ADCY1: variants seen among roughly 807,000 people sequenced by gnomAD.
ADCY1 encodes the protein adenylate cyclase type 1.
ADCY1 carries 28 observed loss-of-function variants against 105.4 expected under a neutral mutation model. The observed-to-expected ratio is 0.27, with a 90% CI of 0.20 to 0.36. The LOEUF is 0.36. ADCY1 is among the 10% of genes least tolerant of loss of function. The probability of loss-of-function intolerance (pLI) is 1.00; values close to 1 mark genes in which losing one functional copy is unlikely to be tolerated. For missense variants in ADCY1, 977 were observed against 1,434.2 expected (o/e 0.68, Z 5.15); for synonymous variants, 655 against 623.8 (o/e 1.05, Z -0.75).
At chr7:45,648,318 A>C (rs1298916335) in intron 4 of ADCY1, among the ~76,000 whole-genome samples, 1 of 152,224 alleles carries the variant, frequency 6.6e-6, no homozygotes, top group East Asian at 1.9e-4. Context: ...CGTGGGAATA[A>C]AGGGAGTTGG....
At chr7:45,637,590 T>G (rs531171231) in intron 4 of ADCY1, among the ~76,000 whole-genome samples, 3 of 152,174 alleles carry the variant, frequency 2.0e-5, no homozygotes, top group African/African-American at 7.2e-5. Flanking sequence ...CTGGGTGTGG[T>G]GGCACATACC....
intron 2 of ADCY1, among the ~76,000 whole-genome samples, chr7:45,597,181 C>T (rs73694818): frequency 0.021 from 3,122 of 152,268 alleles, 97 homozygotes; most frequent in African/African-American, 0.061. Flanking sequence ...ATTAAAACTC[C>T]TCATCCTGTC....
chr7:45,715,795 G>C lies in ADCY1; in HGVS notation c.*1800G>C, dbSNP rs1327562531. On this transcript the variant is annotated 3_prime_UTR_variant, in exon 20 of 20. Coordinates refer to ENST00000297323, the MANE Select transcript of ADCY1 (RefSeq NM_021116.4). ...GAGGTGGGCAGGGTGGATGGCTTCG[G>C]GCAGGGAAGGCGGGTAGAGGCTGCA... The C allele has an allele frequency of 1.3e-5, 2 of 152,900 alleles. No individual in the cohort carries two copies. The highest frequency in any genetic ancestry group is 4.8e-5 in the African/African-American group (2 of 41,474). 9.5% of individuals were successfully genotyped at this position (152,900 alleles called of 1,614,324 possible).
intron 2 of ADCY1, among the ~76,000 whole-genome samples, chr7:45,594,111 G>C (rs777427794): frequency 6.6e-6 from 1 of 152,192 alleles, no homozygotes; most frequent in African/African-American, 2.4e-5. Context: ...CTGTGTGGTT[G>C]CATGTGTGTG....
chr7:45,591,471 A>G lies in ADCY1; in HGVS notation c.640-1288A>G, dbSNP rs534009866. ...TTCTGTTTCATAGTGTGCAGCACAC[A>G]TTCACATGTGGGGGTGTTTGTGGTT... On this transcript the variant is annotated intron_variant, in intron 1 of 19. Transcript: ENST00000297323. This position sits in a 1 kb window ranked among gnomAD's most constrained non-coding sequence, Gnocchi z 4.1. Among the ~76,000 whole-genome samples, 35 of 152,356 alleles carry G rather than the reference A, an allele frequency of 2.3e-4. No individual in the cohort carries two copies. Among genetic ancestry groups the G allele is most frequent in the Non-Finnish European group, 1.5e-5 (1 of 68,020 alleles).
At position 45,677,910 on chromosome 7, in the gene ADCY1, C is replaced by G; in HGVS notation, c.1647C>G (p.Arg549=). ...CAGCCTCGGAAAAACTCAGAAACCG[C>G]TCATCTTTTTCTACCAACGTTGTCT... ...LRTASEKLRN[R]SSFSTNVVYT... The change falls in exon 9 of 20, where the codon CGC becomes CGG. Residue 549 remains arginine (R), a synonymous_variant. Coordinates refer to ENST00000297323, the MANE Select transcript of ADCY1 (RefSeq NM_021116.4). The G allele has an allele frequency of 6.2e-7, 1 of 1,614,142 alleles. No individual in the cohort carries two copies. The highest frequency in any genetic ancestry group is 1.1e-5 in the South Asian group (1 of 91,076).
At chr7:45,685,702 G>A (rs539459185) in intron 12 of ADCY1, among the ~76,000 whole-genome samples, 5 of 152,322 alleles carry the variant, frequency 3.3e-5, no homozygotes, top group African/African-American at 1.2e-4. Context: ...GGAGTAACAG[G>A]TTGGAGCCGC....
At chr7:45,574,202 C>A, upstream of ADCY1, 6 of 943,770 alleles carry the variant, frequency 6.4e-6, no homozygotes, top group Non-Finnish European at 6.3e-6. This position sits in a 1 kb window ranked among gnomAD's most constrained non-coding sequence, Gnocchi z 7.0. Context: ...CTCGAGGTCA[C>A]GCGGCTCCTC....
chr7:45,576,629 C>T (rs1443892494), intron 1 of ADCY1, among the ~76,000 whole-genome samples: 2 of 152,146 alleles, frequency 1.3e-5, no homozygotes, highest in African/African-American at 4.8e-5. Flanking sequence ...TCCACAGCCT[C>T]CTGTGGGCAG....
intron 6 of ADCY1, 91 bp downstream of exon 6, chr7:45,657,976 T>G: frequency 7.2e-7 from 1 of 1,396,182 alleles, no homozygotes; most frequent in East Asian, 2.5e-5. Context: ...TGGGCTGTGC[T>G]CTTGAGGGCA....
intron 3 of ADCY1, among the ~76,000 whole-genome samples, chr7:45,611,160 T>A (rs1277794260): frequency 8.7e-6 from 1 of 115,430 alleles, no homozygotes; most frequent in African/African-American, 3.3e-5. Flanking sequence ...GAAGAGGTGA[T>A]GGAGGAGGTG....
At chr7:45,685,191 C>A in intron 12 of ADCY1, 123 bp downstream of exon 12, 1 of 901,748 alleles carries the variant, frequency 1.1e-6, no homozygotes, top group Non-Finnish European at 1.8e-6. Flanking sequence ...CAGTAACAGG[C>A]ATGGGGCCCC....
chr7:45,600,673 A>G (rs1305683485), intron 2 of ADCY1, among the ~76,000 whole-genome samples: 1 of 152,220 alleles, frequency 6.6e-6, no homozygotes, highest in African/African-American at 2.4e-5. Context: ...AGAGAAATGT[A>G]TTTCCTCACA....
chr7:45,595,177 C>G (rs745658308), intron 2 of ADCY1, among the ~76,000 whole-genome samples: 13 of 152,190 alleles, frequency 8.5e-5, no homozygotes, highest in Non-Finnish European at 1.3e-4. Flanking sequence ...TCTTTTACAT[C>G]TTTATAAATG....
chr7:45,682,587 G>A (rs1784581946), intron 11 of ADCY1, among the ~76,000 whole-genome samples: 1 of 152,174 alleles, frequency 6.6e-6, no homozygotes, highest in African/African-American at 2.4e-5. Context: ...CCTCGGATAA[G>A]CTGCTTCTGC....
intron 1 of ADCY1, among the ~76,000 whole-genome samples, chr7:45,577,732 A>C (rs977993538): frequency 6.6e-6 from 1 of 152,198 alleles, no homozygotes; most frequent in Non-Finnish European, 1.5e-5. Flanking sequence ...CACTGCATAC[A>C]TAGCAGGATG....
chr7:45,672,523 G>A (rs1025649993), intron 8 of ADCY1, among the ~76,000 whole-genome samples: 1 of 151,288 alleles, frequency 6.6e-6, no homozygotes, highest in South Asian at 2.1e-4. Flanking sequence ...ACGAGACCTC[G>A]CTGTGTTTTG....
At chr7:45,656,978 G>A (rs1562710043) in intron 5 of ADCY1, among the ~76,000 whole-genome samples, 1 of 152,258 alleles carries the variant, frequency 6.6e-6, no homozygotes, top group Non-Finnish European at 1.5e-5. Flanking sequence ...AGGAAACTGA[G>A]GCATAGAGAT....
In ADCY1 at chr7:45,717,980, G is replaced by A. The variant is rs1411633762; in HGVS notation, c.*3985G>A. 6 of 152,454 alleles carry A rather than the reference G, an allele frequency of 3.9e-5. No homozygotes were observed. The highest frequency in any genetic ancestry group is 3.9e-4 in the Admixed American group (6 of 15,280). 9.4% of individuals were successfully genotyped at this position (152,454 alleles called of 1,614,324 possible). A position where few individuals can be genotyped will look rare whatever the true frequency, so the allele number is the denominator to read the frequency against. On this transcript the variant is annotated 3_prime_UTR_variant, in exon 20 of 20. Coordinates refer to ENST00000297323, the MANE Select transcript of ADCY1 (RefSeq NM_021116.4). ...TTTGCCCCATTCTCTGGCTTGGGGT[G>A]GTGGGAGGCGGGGAGCTGCCACTCC...
Sources: gnomAD v4.1 joint callset for allele counts (sites outside exome capture counted in the v4.1 genomes callset) on GRCh38, gnomAD v4.1.1 for gene constraint, Gnocchi (gnomAD v3.1) non-coding constraint, MANE v1.5 for transcripts, NCBI Gene and HGNC (gene_info 2026-07-23, HGNC 2026-07-21) for gene names.